TSTD2: variants seen among roughly 807,000 people sequenced by gnomAD.
The protein encoded by TSTD2 is thiosulfate sulfurtransferase/rhodanese-like domain-containing protein 2.
In TSTD2, 37 loss-of-function variants were observed where a neutral mutation model predicts 47.9. That is an observed-to-expected ratio of 0.77 (90% CI 0.59 to 1.02). TSTD2 has a LOEUF of 1.02. TSTD2 is among the 50% of genes least tolerant of loss of function. The pLI is 0.00. For missense variants in TSTD2, 586 were observed against 616.0 expected (o/e 0.95, Z 0.52); for synonymous variants, 201 against 215.9 (o/e 0.93, Z 0.61).
At position 97,601,014 on chromosome 9, in the gene TSTD2, T is replaced by C. The variant is rs1587972127; in HGVS notation, c.*1455A>G. 6 of 1,288,306 alleles carry C rather than the reference T, an allele frequency of 4.7e-6. No homozygotes were observed. The Admixed American group carries it at 9.6e-5, about 21-fold the overall frequency. 79.8% of individuals were successfully genotyped at this position (1,288,306 alleles called of 1,614,324 possible). A position where few individuals can be genotyped will look rare whatever the true frequency, so the allele number is the denominator to read the frequency against. On this transcript the variant is annotated 3_prime_UTR_variant, in exon 10 of 10. Coordinates refer to ENST00000341170, the MANE Select transcript of TSTD2 (RefSeq NM_139246.5). ...CCAGAGCACTGAGCAGAGAGGCTGG[T>C]GATGAAAAGGTGAAGGCCTGCGCAC...
intron 1 of TSTD2, among the ~76,000 whole-genome samples, chr9:97,629,839 TATAAGG>T (rs1450928841): frequency 5.9e-5 from 9 of 152,130 alleles, no homozygotes; most frequent in African/African-American, 1.9e-4. Flanking sequence ...CTTATTTACC[TATAAGG>T]GCAGTACATT....
At chr9:97,625,174 A>G (rs547055923) in intron 3 of TSTD2, among the ~76,000 whole-genome samples, 20 of 152,368 alleles carry the variant, frequency 1.3e-4, no homozygotes, top group African/African-American at 4.6e-4. Context: ...CTTCAAGTAC[A>G]TGAAATCAGA....
intron 7 of TSTD2, 103 bp from the exon 8 acceptor site, chr9:97,605,744 CT>C: frequency 3.5e-6 from 5 of 1,420,312 alleles, no homozygotes; most frequent in Non-Finnish European, 4.8e-6. Context: ...AAAGAAGCCC[CT>C]GCCAGTTGCT....
intron 1 of TSTD2, among the ~76,000 whole-genome samples, chr9:97,628,345 A>G (rs17335265): frequency 0.22 from 33,821 of 152,070 alleles, 4,567 homozygotes; most frequent in Non-Finnish European, 0.31. Flanking sequence ...ACACTGAGAA[A>G]AAGTATGGGC....
chr9:97,620,484 A>C (rs1826616675), intron 3 of TSTD2, among the ~76,000 whole-genome samples: 1 of 152,208 alleles, frequency 6.6e-6, no homozygotes, highest in African/African-American at 2.4e-5. Flanking sequence ...AAAAAGGTGG[A>C]AGTGATTTTG....
At chr9:97,615,365 A>G (rs927637365) in intron 4 of TSTD2, among the ~76,000 whole-genome samples, 1 of 152,246 alleles carries the variant, frequency 6.6e-6, no homozygotes, top group African/African-American at 2.4e-5. Context: ...AGCTCAGAGA[A>G]ATCAAGTAAC....
intron 3 of TSTD2, among the ~76,000 whole-genome samples, chr9:97,621,378 A>G (rs1161416066): frequency 6.6e-6 from 1 of 152,196 alleles, no homozygotes; most frequent in Non-Finnish European, 1.5e-5. Context: ...TGTTTGAACA[A>G]TATGAAATCT....
At chr9:97,632,417 G>A (rs1826840824) in intron 1 of TSTD2, among the ~76,000 whole-genome samples, 1 of 152,036 alleles carries the variant, frequency 6.6e-6, no homozygotes. Flanking sequence ...TTGTTGCCCA[G>A]GCTGGAGTGC....
chr9:97,611,459 G>A, intron 5 of TSTD2, 115 bp downstream of exon 5: 2 of 1,234,084 alleles, frequency 1.6e-6, no homozygotes, highest in Non-Finnish European at 2.2e-6. Context: ...AAAATAAAGG[G>A]GAAAGGGTAT....
rs142575924 is a variant in TSTD2 at position 97,601,106 on chromosome 9, G to T, written c.*1363C>A. ...GGGCCAGGGCCTCAGCGCTATGGAA[G>T]AGTGTCCACTGAGGCTGCACATGGC... On this transcript the variant is annotated 3_prime_UTR_variant, in exon 10 of 10. Transcript: ENST00000341170. 11 of 1,304,322 alleles carry T rather than the reference G, an allele frequency of 8.4e-6. No individual in the cohort carries two copies. The East Asian group carries it at 4.4e-4, about 53-fold the overall frequency. 80.8% of individuals were successfully genotyped at this position (1,304,322 alleles called of 1,614,324 possible). A position where few individuals can be genotyped will look rare whatever the true frequency, so the allele number is the denominator to read the frequency against.
chr9:97,632,290 G>T (rs1826835749), intron 1 of TSTD2, among the ~76,000 whole-genome samples: 2 of 152,152 alleles, frequency 1.3e-5, no homozygotes, highest in South Asian at 2.1e-4. Flanking sequence ...TTGACTTATT[G>T]TAAGAACAGA....
At chr9:97,611,525 A>C (rs1293944124) in intron 5 of TSTD2, 49 bp downstream of exon 5, 2 of 1,533,708 alleles carry the variant, frequency 1.3e-6, no homozygotes, top group Non-Finnish European at 1.8e-6. Flanking sequence ...ACATGCACAG[A>C]GGCAGAAGCA....
At chr9:97,628,283 C>T (rs765298870) in intron 1 of TSTD2, among the ~76,000 whole-genome samples, 1 of 152,132 alleles carries the variant, frequency 6.6e-6, no homozygotes, top group Non-Finnish European at 1.5e-5. Context: ...ACCATCATAC[C>T]ATGTTGGTTC....
At chr9:97,630,428 G>A (rs1032093803) in intron 1 of TSTD2, among the ~76,000 whole-genome samples, 2 of 152,208 alleles carry the variant, frequency 1.3e-5, no homozygotes, top group Non-Finnish European at 2.9e-5. Flanking sequence ...AACAGTTGAA[G>A]TACCTGCTCT....
Position 97,627,601 on chromosome 9 carries a change from G to A in TSTD2, c.-39C>T, listed in dbSNP as rs888575244. 6 of 1,518,528 alleles carry A rather than the reference G, an allele frequency of 4.0e-6. No individual in the cohort carries two copies. In the African/African-American group the frequency reaches 8.3e-5, roughly 21 times the overall value. The allele number at this position is 1,518,528 out of a possible 1,614,324, so 94.1% of individuals were successfully genotyped here. Reference sequence around the variant, plus strand: ...AACAGTGAAGCAGATATTCCTTTCAGTTAAATACCTCCTAGAATATAAATA... The same window carrying A: ...AACAGTGAAGCAGATATTCCTTTCAATTAAATACCTCCTAGAATATAAATA... On this transcript the variant is annotated 5_prime_UTR_variant, in exon 2 of 10. Coordinates refer to ENST00000341170, the MANE Select transcript of TSTD2 (RefSeq NM_139246.5).
intron 9 of TSTD2, chr9:97,603,074 A>G (rs888231320): frequency 4.9e-5 from 14 of 284,888 alleles, no homozygotes; most frequent in African/African-American, 2.0e-4. Context: ...CTCACCAGCT[A>G]TTCCAAAGCT....
intron 7 of TSTD2, 108 bp downstream of exon 7, chr9:97,606,034 TC>T: frequency 2.4e-6 from 2 of 827,826 alleles, no homozygotes; most frequent in Non-Finnish European, 4.1e-6. Context: ...TGGGAGGAGA[TC>T]CATGTGGCCA....
chr9:97,625,919 A>T lies in TSTD2; in HGVS notation c.244T>A (p.Cys82Ser). The change falls in exon 3 of 10, where the codon TGT becomes AGT. Residue 82 changes from cysteine to serine, a missense_variant. By Grantham distance (112) the Cys-to-Ser change is moderately radical. Transcript: ENST00000341170. ...GTTTGGTCTGTGAATAGCTGCCGAC[A>T]GCATTTCCACAATTTTTCTTTACAT... ...FECKEKLWKC[C>S]RQLFTDQTSI... 1 of 1,614,060 alleles carries T rather than the reference A, an allele frequency of 6.2e-7. No homozygotes were observed. The highest frequency in any genetic ancestry group is 8.5e-7 in the Non-Finnish European group (1 of 1,179,940).
In TSTD2 at chr9:97,610,391, C is replaced by T. The variant is rs750388352; in HGVS notation, c.790G>A (p.Val264Met). Residue 264 changes from valine (V) to methionine (M), a missense_variant, in exon 6 of 10, where the codon GTG (valine) becomes ATG (methionine). Transcript: ENST00000341170. Reference sequence around the variant, plus strand: ...TTTTTGGGGCTGATCCCCATGGGCACGATTTCTTCAAATACACCAACACGC... The same window carrying T: ...TTTTTGGGGCTGATCCCCATGGGCATGATTTCTTCAAATACACCAACACGC... ...ELRVGVFEEI[V>M]PMGISPKKIS... 17 of 1,600,810 alleles carry T rather than the reference C, an allele frequency of 1.1e-5. No homozygotes were observed. The highest frequency in any genetic ancestry group is 3.3e-4 in the Middle Eastern group (2 of 6,046).
Sources: allele counts gnomAD v4.1 joint callset (sites outside exome capture counted in the v4.1 genomes callset), GRCh38; gene constraint gnomAD v4.1.1; transcripts MANE v1.5; gene names NCBI Gene and HGNC (gene_info 2026-07-23, HGNC 2026-07-21).